NTNG1: variants seen among roughly 807,000 people sequenced by gnomAD.
NTNG1 encodes the protein netrin G1.
In NTNG1, 16 loss-of-function variants were observed where a neutral mutation model predicts 54.0. The observed-to-expected ratio is 0.30, with a 90% CI of 0.20 to 0.45. The LOEUF (loss-of-function observed/expected upper bound fraction) is 0.45, where lower values mean the gene tolerates loss of function less well. Among genes scored for constraint, NTNG1 ranks in the 20% least tolerant of loss-of-function variants. The pLI is 1.00. For synonymous variants in NTNG1, 255 were observed against 263.1 expected (o/e 0.97, Z 0.30); for missense variants, 530 against 678.7 (o/e 0.78, Z 2.43).
At chr1:107,165,752 A>C (rs1655744778) in intron 2 of NTNG1, among the ~76,000 whole-genome samples, 1 of 152,214 alleles carries the variant, frequency 6.6e-6, no homozygotes, top group South Asian at 2.1e-4. Flanking sequence ...GTCCGTCAAT[A>C]ATCTTTTCTG....
intron 3 of NTNG1, among the ~76,000 whole-genome samples, chr1:107,360,969 G>A (rs1405708598): frequency 6.6e-6 from 1 of 151,480 alleles, no homozygotes; most frequent in Admixed American, 6.6e-5. Flanking sequence ...TCTGCTTCTC[G>A]TGTAACTGCT....
intron 7 of NTNG1, among the ~76,000 whole-genome samples, chr1:107,472,683 GCCAGA>G (rs3064154): frequency 1.3e-5 from 2 of 151,636 alleles, no homozygotes; most frequent in South Asian, 2.1e-4. Context: ...ACCCCTCATG[GCCAGA>G]CCAGACCAGA....
intron 2 of NTNG1, among the ~76,000 whole-genome samples, chr1:107,163,373 C>T (rs948715375): frequency 1.3e-5 from 2 of 152,020 alleles, no homozygotes; most frequent in Non-Finnish European, 2.9e-5. Context: ...CAGGGCCTGG[C>T]ATATAGTAAA....
chr1:107,197,919 C>T (rs1486519630), intron 2 of NTNG1, among the ~76,000 whole-genome samples: 1 of 151,968 alleles, frequency 6.6e-6, no homozygotes, highest in Non-Finnish European at 1.5e-5. Context: ...AATTGGGTCA[C>T]TTAATGTGAT....
chr1:107,280,853 C>CTTATTTTATTTTATTTTATT (rs71275980), intron 2 of NTNG1, among the ~76,000 whole-genome samples: 95 of 145,230 alleles, frequency 6.5e-4, no homozygotes, highest in African/African-American at 2.4e-3. Context: ...AGTCCTCTGA[C>CTTATTTTATTTTATTTTATT]TTATTTTATT....
At chr1:107,317,929 C>T (rs1264582651) in intron 2 of NTNG1, among the ~76,000 whole-genome samples, 1 of 152,166 alleles carries the variant, frequency 6.6e-6, no homozygotes, top group Non-Finnish European at 1.5e-5. Context: ...TCTTTATCCT[C>T]TACTATTCTT....
intron 2 of NTNG1, among the ~76,000 whole-genome samples, chr1:107,226,654 C>A (rs1040338846): frequency 6.6e-6 from 1 of 152,090 alleles, no homozygotes; most frequent in Non-Finnish European, 1.5e-5. Context: ...ATACCATTAA[C>A]AAACAATATC....
chr1:107,166,695 T>A (rs1655820685), intron 2 of NTNG1, among the ~76,000 whole-genome samples: 1 of 149,886 alleles, frequency 6.7e-6, no homozygotes, highest in Non-Finnish European at 1.5e-5. Context: ...GAGTTTTTAA[T>A]TTTTTTTTTA....
rs186980801 is a variant in NTNG1, at chr1:107,220,877, C to T, written c.246+72038C>T. Among the ~76,000 whole-genome samples the T allele has an allele frequency of 4.6e-5, 7 of 152,240 alleles. No homozygotes were observed. In the East Asian group the frequency reaches 1.2e-3, roughly 25 times the overall value. ...TAAAAATGACATGTATTTCCCTTAT[C>T]CCACCACTAAGAGGCAATTTATGTT... On this transcript the variant is annotated intron_variant, in intron 2 of 7. Transcript: ENST00000370068.
chr1:107,270,500 T>C (rs920273414), intron 2 of NTNG1, among the ~76,000 whole-genome samples: 2 of 152,226 alleles, frequency 1.3e-5, no homozygotes, highest in African/African-American at 4.8e-5. Context: ...GTCATGATGA[T>C]AGAAATAAAC....
rs546390616 is a variant in NTNG1, at chr1:107,184,829, A to T, written c.246+35990A>T. On this transcript the variant is annotated intron_variant, in intron 2 of 7. Transcript: ENST00000370068. ...ACTCCAAAATTTAGTGGCAGAAAAT[A>T]TTCATTTATTATACTTAAAGATTTC... 3.5e-4 allele frequency among the ~76,000 whole-genome samples: 53 copies of T among 152,338 alleles called. 2 individuals are homozygous for T. The South Asian group carries it at 0.011, about 30-fold the overall frequency.
At chr1:107,294,922 G>A (rs774470915) in intron 2 of NTNG1, among the ~76,000 whole-genome samples, 1 of 152,234 alleles carries the variant, frequency 6.6e-6, no homozygotes, top group Non-Finnish European at 1.5e-5. Flanking sequence ...GGAGTCAGAA[G>A]TGTTTTCATC....
rs190670002 is a variant in NTNG1, at chr1:107,190,673, G to A, written c.246+41834G>A. ...TTCCCACCTATGAGTGAGAACATGC[G>A]GTGTTTGGCTTTTTGTCCTTGTGAT... is the stretch of plus-strand genomic sequence containing the variant. On this transcript the variant is annotated intron_variant, in intron 2 of 7. Coordinates refer to ENST00000370068, the MANE Select transcript of NTNG1 (RefSeq NM_001113226.3). Among the ~76,000 whole-genome samples the A allele has an allele frequency of 6.9e-3, 1,055 of 152,152 alleles. 11 individuals carry two copies. Among genetic ancestry groups the A allele is most frequent in the African/African-American group, 0.024 (1,001 of 41,510 alleles).
Position 107,367,386 on chromosome 1 carries a change from G to C in NTNG1, c.888-27768G>C, listed in dbSNP as rs7527172. Reference sequence around the variant, plus strand: ...TCTTCTGAATGTCTGACACCAGCATGCTTGGTTCATGTCAAATAAGTAGTA... The same window carrying C: ...TCTTCTGAATGTCTGACACCAGCATCCTTGGTTCATGTCAAATAAGTAGTA... On this transcript the variant is annotated intron_variant, in intron 3 of 7. Transcript: ENST00000370068. 1.0e-2 allele frequency among the ~76,000 whole-genome samples: 1,520 copies of C among 152,232 alleles called. 35 individuals are homozygous for C. Among genetic ancestry groups the C allele is most frequent in the African/African-American group, 0.035 (1,458 of 41,532 alleles).
At chr1:107,190,769 T>C (rs1396468420) in intron 2 of NTNG1, among the ~76,000 whole-genome samples, 1 of 152,240 alleles carries the variant, frequency 6.6e-6, no homozygotes, top group Non-Finnish European at 1.5e-5. Context: ...TCCCTTTTTA[T>C]GGCTGCATAG....
chr1:107,326,784 G>T (rs762776924), intron 3 of NTNG1, among the ~76,000 whole-genome samples: 1 of 151,108 alleles, frequency 6.6e-6, no homozygotes, highest in Non-Finnish European at 1.5e-5. Context: ...AAGCATTTTG[G>T]TTGGGAAAAA....
At chr1:107,337,461 G>C (rs995166043) in intron 3 of NTNG1, among the ~76,000 whole-genome samples, 12 of 151,978 alleles carry the variant, frequency 7.9e-5, no homozygotes, top group Admixed American at 7.2e-4. Context: ...GCTGGGGGCA[G>C]ATGAAAAAGA....
chr1:107,254,475 C>T (rs559753370), intron 2 of NTNG1, among the ~76,000 whole-genome samples: 1 of 152,336 alleles, frequency 6.6e-6, no homozygotes, highest in African/African-American at 2.4e-5. Context: ...TTGAGTCTGC[C>T]CTGGCAATGG....
chr1:107,170,908 G>T (rs1470658407), intron 2 of NTNG1, among the ~76,000 whole-genome samples: 2 of 152,032 alleles, frequency 1.3e-5, no homozygotes, highest in Non-Finnish European at 2.9e-5. Flanking sequence ...TTCTAGTAAA[G>T]AATGCATTCT....
Sources: gnomAD v4.1 joint callset for allele counts (sites outside exome capture counted in the v4.1 genomes callset) on GRCh38, gnomAD v4.1.1 for gene constraint, MANE v1.5 for transcripts, NCBI Gene and HGNC (gene_info 2026-07-23, HGNC 2026-07-21) for gene names.